The following MCC variants were observed in gnomAD, a reference collection of about 807,000 sequenced individuals.
MCC encodes the protein colorectal mutant cancer protein.
In MCC, 90 loss-of-function variants were observed where a neutral mutation model predicts 116.2. The observed-to-expected ratio is 0.77, with a 90% CI of 0.65 to 0.92. MCC has a LOEUF of 0.92. MCC is among the 40% of genes least tolerant of loss of function. MCC has a pLI of 0.00. For missense variants in MCC, 1,516 were observed against 1,312.2 expected (o/e 1.16, Z -2.40); for synonymous variants, 578 against 510.5 (o/e 1.13, Z -1.78).
At chr5:113,041,904 G>C (rs1195004461) in intron 17 of MCC, among the ~76,000 whole-genome samples, 3 of 152,092 alleles carry the variant, frequency 2.0e-5, no homozygotes, top group Admixed American at 2.0e-4. Context: ...GGCTGAGGCA[G>C]GAGAATTGTT....
chr5:113,036,152 C>G (rs1255503580), intron 17 of MCC, among the ~76,000 whole-genome samples: 3 of 151,266 alleles, frequency 2.0e-5, no homozygotes, highest in East Asian at 3.9e-4. Flanking sequence ...ATTCTCCTGC[C>G]TCAGCCTCCT....
chr5:113,110,280 C>A (rs559797188), intron 6 of MCC, among the ~76,000 whole-genome samples: 1 of 152,194 alleles, frequency 6.6e-6, no homozygotes, highest in African/African-American at 2.4e-5. Context: ...AACACGGTGA[C>A]TGGATCAGGG....
intron 1 of MCC, among the ~76,000 whole-genome samples, chr5:113,453,923 C>T (rs1771470647): frequency 6.6e-6 from 1 of 152,096 alleles, no homozygotes; most frequent in African/African-American, 2.4e-5. Context: ...CCACCCTGAC[C>T]AACATGGAGA....
intron 3 of MCC, among the ~76,000 whole-genome samples, chr5:113,301,116 C>T (rs576403147): frequency 1.3e-5 from 2 of 152,246 alleles, no homozygotes; most frequent in African/African-American, 4.8e-5. Context: ...GGAAAAGATC[C>T]CTGCTTTCAC....
At chr5:113,119,693 T>C (rs1311648165) in intron 6 of MCC, among the ~76,000 whole-genome samples, 6 of 151,328 alleles carry the variant, frequency 4.0e-5, no homozygotes, top group African/African-American at 1.5e-4. Context: ...GTGAGTTTGC[T>C]GACTAAATGA....
At chr5:113,113,952 G>T (rs532590325) in intron 6 of MCC, among the ~76,000 whole-genome samples, 3 of 148,460 alleles carry the variant, frequency 2.0e-5, no homozygotes, top group African/African-American at 7.9e-5. Flanking sequence ...GACTGTCAAT[G>T]CTTCATCAGT....
At chr5:113,259,448 A>G (rs530446116) in intron 3 of MCC, among the ~76,000 whole-genome samples, 39 of 152,314 alleles carry the variant, frequency 2.6e-4, no homozygotes, top group African/African-American at 8.2e-4. Flanking sequence ...AAATACAGTA[A>G]GTCAGGTAAT....
chr5:113,217,858 A>G (rs1763384699), intron 3 of MCC, among the ~76,000 whole-genome samples: 1 of 152,158 alleles, frequency 6.6e-6, no homozygotes, highest in Admixed American at 6.5e-5. Context: ...CTGAGAGGTC[A>G]GAAAGGACAT....
chr5:113,242,461 A>C (rs59107004), intron 3 of MCC, among the ~76,000 whole-genome samples: 24,284 of 152,176 alleles, frequency 0.16, 2,283 homozygotes, highest in Admixed American at 0.29. Context: ...TTAACTGGAA[A>C]AAAAATTAAG....
intron 3 of MCC, among the ~76,000 whole-genome samples, chr5:113,161,622 G>A (rs112555235): frequency 1.8e-3 from 1 of 556 alleles, no homozygotes; most frequent in African/African-American, 2.5e-3. Context: ...TTAGATTTAT[G>A]TGTGTGTGTG....
At chr5:113,413,299 C>G (rs255867) in intron 1 of MCC, among the ~76,000 whole-genome samples, 95,248 of 152,054 alleles carry the variant, frequency 0.63, 32,518 homozygotes, top group African/African-American at 0.91. Context: ...ATGAGTTAGG[C>G]AGGATTCCCT....
intron 8 of MCC, among the ~76,000 whole-genome samples, chr5:113,098,620 T>C (rs932651933): frequency 6.6e-6 from 1 of 152,208 alleles, no homozygotes; most frequent in Non-Finnish European, 1.5e-5. Flanking sequence ...TGTTGCTCCT[T>C]AGGTACTGCT....
At chr5:113,275,047 C>T (rs1305747896) in intron 3 of MCC, among the ~76,000 whole-genome samples, 2 of 152,174 alleles carry the variant, frequency 1.3e-5, no homozygotes, top group African/African-American at 4.8e-5. Flanking sequence ...CAGCTTGTGG[C>T]CTTCCCTTTA....
intron 4 of MCC, among the ~76,000 whole-genome samples, chr5:113,148,644 C>T (rs1473158627): frequency 2.6e-5 from 4 of 152,186 alleles, no homozygotes; most frequent in Non-Finnish European, 2.9e-5. Context: ...AGGCATATAA[C>T]ACCAAAAGTG....
chr5:113,081,372 C>T (rs535879162), intron 11 of MCC, among the ~76,000 whole-genome samples: 3 of 152,312 alleles, frequency 2.0e-5, no homozygotes, highest in Admixed American at 6.5e-5. Flanking sequence ...TCTACCCTCA[C>T]AAGCTGAGGA....
intron 3 of MCC, among the ~76,000 whole-genome samples, chr5:113,289,870 C>T (rs1766415988): frequency 6.6e-6 from 1 of 152,194 alleles, no homozygotes; most frequent in Admixed American, 6.5e-5. Context: ...TGACCCTGCT[C>T]TTCTTACGCT....
chr5:113,211,656 T>G (rs1763140142), intron 3 of MCC, among the ~76,000 whole-genome samples: 1 of 152,214 alleles, frequency 6.6e-6, no homozygotes, highest in Non-Finnish European at 1.5e-5. Flanking sequence ...AGCTGATGTT[T>G]ATATAAATAG....
At chr5:113,074,569 T>C (rs1052788635) in intron 11 of MCC, among the ~76,000 whole-genome samples, 11 of 105,682 alleles carry the variant, frequency 1.0e-4, no homozygotes, top group African/African-American at 1.5e-4. Context: ...CTTCAGACGA[T>C]AGATAATAAC....
intron 3 of MCC, among the ~76,000 whole-genome samples, chr5:113,291,572 C>G (rs4108702): frequency 0.38 from 57,953 of 151,974 alleles, 14,177 homozygotes; most frequent in African/African-American, 0.69. Flanking sequence ...GAAATGCCTA[C>G]TAAACATCAG....
Sources: gnomAD v4.1 joint callset for allele counts (sites outside exome capture counted in the v4.1 genomes callset) on GRCh38, gnomAD v4.1.1 for gene constraint, MANE v1.5 for transcripts, NCBI Gene and HGNC (gene_info 2026-07-23, HGNC 2026-07-21) for gene names.